The following STRBP variants were observed in gnomAD, a reference collection of about 807,000 sequenced individuals.
STRBP encodes spermatid perinuclear RNA binding protein.
Under a neutral mutation model 80.1 loss-of-function variants are expected in STRBP, and 13 were observed. That is an observed-to-expected ratio of 0.16 (90% CI 0.11 to 0.26). The LOEUF is 0.26. STRBP is among the 10% of genes least tolerant of loss of function. The pLI is 1.00. For missense variants in STRBP, 485 were observed against 815.2 expected (o/e 0.59, Z 4.93); for synonymous variants, 284 against 291.2 (o/e 0.98, Z 0.25).
At chr9:123,259,066 A>C (rs530259101) in intron 1 of STRBP, among the ~76,000 whole-genome samples, 2 of 146,766 alleles carry the variant, frequency 1.4e-5, no homozygotes, top group East Asian at 6.0e-4. Context: ...AAAGGGCAAA[A>C]AAAAAAAAAG....
At chr9:123,160,678 A>G (rs2037486549) in intron 7 of STRBP, among the ~76,000 whole-genome samples, 1 of 152,228 alleles carries the variant, frequency 6.6e-6, no homozygotes, top group Non-Finnish European at 1.5e-5. Context: ...GTCTCATGGC[A>G]ACCCCACTCC....
intron 2 of STRBP, among the ~76,000 whole-genome samples, chr9:123,226,151 C>A (rs1161232043): frequency 6.6e-6 from 1 of 152,086 alleles, no homozygotes; most frequent in East Asian, 1.9e-4. Flanking sequence ...AGCACAGAGG[C>A]TAAATGAAAG....
At chr9:123,206,611 CATA>C (rs1168754964) in intron 2 of STRBP, among the ~76,000 whole-genome samples, 2 of 151,982 alleles carry the variant, frequency 1.3e-5, no homozygotes, top group African/African-American at 2.4e-5. Context: ...TGAACATTTC[CATA>C]ATAAGATTTT....
chr9:123,112,419 G>A (rs758733012), intron 3 of STRBP: 2 of 167,208 alleles, frequency 1.2e-5, no homozygotes, highest in South Asian at 2.1e-4. Flanking sequence ...CCTTCGCAGC[G>A]GACACTGTGC....
chr9:123,260,174 A>C (rs2041129774), intron 1 of STRBP, among the ~76,000 whole-genome samples: 1 of 152,250 alleles, frequency 6.6e-6, no homozygotes, highest in African/African-American at 2.4e-5. Context: ...GCCAGTAGAC[A>C]GGGGAATAAT....
intron 2 of STRBP, among the ~76,000 whole-genome samples, chr9:123,201,131 T>G (rs1388987907): frequency 2.0e-5 from 3 of 152,152 alleles, no homozygotes; most frequent in African/African-American, 7.2e-5. Flanking sequence ...CTCTTCTTGA[T>G]TAATCTAGCT....
intron 1 of STRBP, among the ~76,000 whole-genome samples, chr9:123,247,695 T>C (rs1055200043): frequency 6.6e-6 from 1 of 152,218 alleles, no homozygotes. Flanking sequence ...GATCTAAAGA[T>C]GCAATGTGTG....
At chr9:123,151,951 A>C (rs1461301090) in intron 11 of STRBP, among the ~76,000 whole-genome samples, 1 of 147,292 alleles carries the variant, frequency 6.8e-6, no homozygotes, top group African/African-American at 2.7e-5. Context: ...CATTAGCAAA[A>C]TAAAATAAGG....
intron 2 of STRBP, among the ~76,000 whole-genome samples, chr9:123,214,145 TACACACACACACAC>T (rs138090782): frequency 8.5e-5 from 12 of 141,446 alleles, no homozygotes; most frequent in South Asian, 4.6e-4. Context: ...TATATATGTA[TACACACACACACAC>T]ACACACACAC....
intron 2 of STRBP, among the ~76,000 whole-genome samples, chr9:123,207,460 C>T (rs953625614): frequency 6.6e-6 from 1 of 152,052 alleles, no homozygotes; most frequent in Non-Finnish European, 1.5e-5. Context: ...GATAATGTTA[C>T]ATATCATTTA....
intron 1 of STRBP, among the ~76,000 whole-genome samples, chr9:123,267,281 C>T (rs965975950): frequency 5.3e-5 from 8 of 151,790 alleles, no homozygotes; most frequent in Admixed American, 4.6e-4. Context: ...TCCATACTTC[C>T]TGCATAAACA....
chr9:123,166,430 T>C (rs535125845), intron 6 of STRBP, among the ~76,000 whole-genome samples: 1 of 152,280 alleles, frequency 6.6e-6, no homozygotes, highest in Admixed American at 6.5e-5. Flanking sequence ...CGAGGAAACC[T>C]ACCCAAGGTC....
intron 1 of STRBP, among the ~76,000 whole-genome samples, chr9:123,245,429 G>A (rs1046383539): frequency 1.3e-5 from 2 of 152,056 alleles, no homozygotes; most frequent in East Asian, 1.9e-4. Flanking sequence ...TCGCTCAGTC[G>A]CCCAGGCTGG....
In STRBP at chr9:123,138,837, T is replaced by A. The variant is rs574847442; in HGVS notation, c.1497+692A>T. Among the ~76,000 whole-genome samples the A allele has an allele frequency of 3.9e-5, 6 of 152,362 alleles. No homozygotes were observed. The East Asian group carries it at 5.8e-4, about 15-fold the overall frequency. ...ATTAGTTTATTAATTAAGTCCTTAA[T>A]AACTACTTATTCATACAAATGACAA... On this transcript the variant is annotated intron_variant, in intron 14 of 18. Transcript: ENST00000348403.
rs552162200 is a variant in STRBP at position 123,128,169 on chromosome 9, T to C, written c.1942+45A>G. 7.5e-6 allele frequency: 12 copies of C among 1,608,664 alleles called. No individual in the cohort carries two copies. The South Asian group carries it at 9.9e-5, about 13-fold the overall frequency. On this transcript the variant is annotated intron_variant, in intron 18 of 18. Transcript: ENST00000348403. The stretch of plus-strand genomic sequence containing the variant: ...AGATAGAAACTGTGCTTTGGATTGC[T>C]GTGACAGTCGCTAAGAGGAGATATC...
At chr9:123,256,956 C>T (rs1034448106) in intron 1 of STRBP, among the ~76,000 whole-genome samples, 1 of 147,658 alleles carries the variant, frequency 6.8e-6, no homozygotes, top group South Asian at 2.2e-4. Context: ...AAACATTATT[C>T]GAGAACCAGT....
At chr9:123,135,992 C>T (rs762646259) in intron 16 of STRBP, 49 bp downstream of exon 16, 2 of 1,596,732 alleles carry the variant, frequency 1.3e-6, no homozygotes, top group South Asian at 1.1e-5. Flanking sequence ...AAATTTAATT[C>T]CTCTAACATT....
At chr9:123,162,014 C>G (rs2037541515) in intron 6 of STRBP, among the ~76,000 whole-genome samples, 1 of 152,204 alleles carries the variant, frequency 6.6e-6, no homozygotes, top group Non-Finnish European at 1.5e-5. Flanking sequence ...ATTTACCATT[C>G]TTTTTAAGGA....
At chr9:123,166,505 G>A (rs911040744) in intron 6 of STRBP, among the ~76,000 whole-genome samples, 2 of 152,186 alleles carry the variant, frequency 1.3e-5, no homozygotes, top group Non-Finnish European at 2.9e-5. Context: ...CTCACACCTA[G>A]CAGTTTGGGA....
Sources: allele counts gnomAD v4.1 joint callset (sites outside exome capture counted in the v4.1 genomes callset), GRCh38; gene constraint gnomAD v4.1.1; transcripts MANE v1.5; gene names NCBI Gene and HGNC (gene_info 2026-07-23, HGNC 2026-07-21).